ADGRV1: variants seen among roughly 807,000 people sequenced by gnomAD.
ADGRV1 encodes the protein G-protein coupled receptor 98.
A neutral mutation model predicts 596.2 loss-of-function variants in ADGRV1; 359 were observed. The ratio of observed to expected loss-of-function variants is 0.60; its 90% CI spans 0.55 to 0.66. ADGRV1 has a LOEUF of 0.66. Among genes scored for constraint, ADGRV1 ranks in the 30% least tolerant of loss-of-function variants. ADGRV1 has a pLI of 0.00. For missense variants in ADGRV1, 7,274 were observed against 7,575.6 expected (o/e 0.96, Z 1.48); for synonymous variants, 2,681 against 2,679.2 (o/e 1.00, Z -0.02).
At chr5:91,065,378 C>T (rs978519881) in intron 85 of ADGRV1, among the ~76,000 whole-genome samples, 3 of 152,240 alleles carry the variant, frequency 2.0e-5, no homozygotes, top group Admixed American at 6.5e-5. Context: ...TGTCCTTTCA[C>T]TACCTGGGTC....
intron 1 of ADGRV1, among the ~76,000 whole-genome samples, chr5:90,601,725 AGGCTC>A (rs1761432595): frequency 6.6e-6 from 1 of 152,230 alleles, no homozygotes; most frequent in Non-Finnish European, 1.5e-5. Flanking sequence ...CATAGATGCT[AGGCTC>A]TGCTGCATTT....
At position 90,683,415 on chromosome 5, in the gene ADGRV1, G is replaced by A. The variant is rs564443996; in HGVS notation, c.5665-171G>A. Among the ~76,000 whole-genome samples the A allele has an allele frequency of 4.9e-4, 74 of 152,286 alleles. 1 individual carries two copies. In the South Asian group the frequency reaches 0.015, roughly 31 times the overall value. On this transcript the variant is annotated intron_variant, in intron 27 of 89. Transcript: ENST00000405460. ...ATATCCTCTATTTGTAAGACTCTCT[G>A]TGGGCCTTCAAAGATGGATAGTATA...
At chr5:90,582,236 A>G (rs1454630290) in intron 1 of ADGRV1, among the ~76,000 whole-genome samples, 1 of 151,436 alleles carries the variant, frequency 6.6e-6, no homozygotes, top group Non-Finnish European at 1.5e-5. Context: ...TTAATTCCAG[A>G]ATTTCTTTGT....
chr5:90,958,310 A>G (rs1008187429), intron 83 of ADGRV1, among the ~76,000 whole-genome samples: 1 of 150,762 alleles, frequency 6.6e-6, no homozygotes, highest in Non-Finnish European at 1.5e-5. Context: ...AAAAGAAAAG[A>G]AAAGAAAAAG....
chr5:90,944,435 A>C (rs1183921501), intron 83 of ADGRV1, among the ~76,000 whole-genome samples: 1 of 152,216 alleles, frequency 6.6e-6, no homozygotes, highest in Non-Finnish European at 1.5e-5. Flanking sequence ...TGACATTGAA[A>C]TACCAATTGG....
intron 85 of ADGRV1, among the ~76,000 whole-genome samples, chr5:91,052,816 G>A (rs545668225): frequency 6.6e-6 from 1 of 152,190 alleles, no homozygotes; most frequent in African/African-American, 2.4e-5. Flanking sequence ...AAACTTTTCT[G>A]TATCAATAAA....
chr5:90,724,088 G>A (rs948977361), intron 45 of ADGRV1, among the ~76,000 whole-genome samples: 14 of 151,684 alleles, frequency 9.2e-5, no homozygotes, highest in Non-Finnish European at 1.9e-4. Context: ...AAATTTAATA[G>A]CGTAAATTTT....
chr5:90,688,058 A>G (rs143532521), intron 29 of ADGRV1, among the ~76,000 whole-genome samples: 5,030 of 152,188 alleles, frequency 0.033, 267 homozygotes, highest in African/African-American at 0.12. Flanking sequence ...TAAAGTTCAT[A>G]TGGAACCAAA....
chr5:90,759,752 T>C, intron 58 of ADGRV1, 164 bp downstream of exon 58: 1 of 634,368 alleles, frequency 1.6e-6, no homozygotes, highest in Non-Finnish European at 2.8e-6. Flanking sequence ...GATCACGAGG[T>C]CAGGAGATTG....
At chr5:90,633,201 A>G (rs1037256000) in intron 9 of ADGRV1, among the ~76,000 whole-genome samples, 1 of 152,150 alleles carries the variant, frequency 6.6e-6, no homozygotes, top group Non-Finnish European at 1.5e-5. Context: ...CAGACAGACA[A>G]AAAAAGGCTT....
chr5:91,070,337 T>C (rs1788275412), intron 85 of ADGRV1, among the ~76,000 whole-genome samples: 1 of 152,212 alleles, frequency 6.6e-6, no homozygotes, highest in Admixed American at 6.5e-5. Context: ...TTACTTATAT[T>C]TTGGATTCCT....
At chr5:90,976,170 T>G (rs1779555926) in intron 84 of ADGRV1, among the ~76,000 whole-genome samples, 1 of 149,476 alleles carries the variant, frequency 6.7e-6, no homozygotes, top group South Asian at 2.1e-4. Context: ...AGACAAATAT[T>G]TATAAATATT....
intron 43 of ADGRV1, among the ~76,000 whole-genome samples, chr5:90,719,369 AT>A (rs1561589460): frequency 1.3e-5 from 2 of 151,654 alleles, no homozygotes; most frequent in Non-Finnish European, 2.9e-5. Context: ...AAATAAATGT[AT>A]TTAACATTAT....
chr5:90,779,381 T>C (rs1758603990), intron 64 of ADGRV1: 1 of 199,944 alleles, frequency 5.0e-6, no homozygotes, highest in Non-Finnish European at 1.0e-5. Flanking sequence ...TAACGGCTTC[T>C]AATTGGTGAA....
chr5:90,898,279 C>A (rs1323367846), intron 83 of ADGRV1, among the ~76,000 whole-genome samples: 1 of 152,132 alleles, frequency 6.6e-6, no homozygotes, highest in Non-Finnish European at 1.5e-5. Flanking sequence ...CTGTTCAGAA[C>A]CAGAACATGA....
chr5:91,112,771 T>C (rs1792487717), intron 87 of ADGRV1, among the ~76,000 whole-genome samples: 1 of 152,190 alleles, frequency 6.6e-6, no homozygotes, highest in South Asian at 2.1e-4. Flanking sequence ...TGCATGCAGT[T>C]AAGTGTCAAG....
At chr5:91,094,896 G>A (rs1790722198) in intron 86 of ADGRV1, among the ~76,000 whole-genome samples, 1 of 152,120 alleles carries the variant, frequency 6.6e-6, no homozygotes, top group Admixed American at 6.5e-5. Flanking sequence ...TAACATTGGA[G>A]ATTATTAATT....
At chr5:90,629,709 T>C (rs1765249437) in intron 9 of ADGRV1, 170 bp downstream of exon 9, 2 of 519,838 alleles carry the variant, frequency 3.8e-6, no homozygotes, top group Non-Finnish European at 6.8e-6. Context: ...GCTCCTAAGG[T>C]ATATAAGTAT....
At chr5:90,619,273 C>A in intron 4 of ADGRV1, 92 bp downstream of exon 4, 1 of 544,668 alleles carries the variant, frequency 1.8e-6, no homozygotes. Context: ...TAGTATCATG[C>A]TGTGTTTTGA....
Sources: gnomAD v4.1 joint callset for allele counts (sites outside exome capture counted in the v4.1 genomes callset) on GRCh38, gnomAD v4.1.1 for gene constraint, MANE v1.5 for transcripts, NCBI Gene and HGNC (gene_info 2026-07-23, HGNC 2026-07-21) for gene names.